The following PKN2 variants were observed in gnomAD, a reference collection of about 807,000 sequenced individuals.
The protein encoded by PKN2 is serine/threonine-protein kinase N2.
A neutral mutation model predicts 119.1 loss-of-function variants in PKN2; 38 were observed. The ratio of observed to expected loss-of-function variants is 0.32; its 90% CI spans 0.25 to 0.42. PKN2 has a LOEUF of 0.42. Ranked by LOEUF, PKN2 falls within the 10% of genes least tolerant of loss-of-function variation. The probability of loss-of-function intolerance (pLI) is 1.00; values close to 1 mark genes in which losing one functional copy is unlikely to be tolerated. For synonymous variants in PKN2, 390 were observed against 384.9 expected (o/e 1.01, Z -0.15); for missense variants, 850 against 1,165.1 (o/e 0.73, Z 3.94).
chr1:88,706,714 T>C (rs1272735434), intron 1 of PKN2, among the ~76,000 whole-genome samples: 1 of 152,190 alleles, frequency 6.6e-6, no homozygotes, highest in Non-Finnish European at 1.5e-5. Flanking sequence ...ATTTTTTGTT[T>C]CTATTGAGAC....
chr1:88,718,169 C>G (rs1017246981), intron 1 of PKN2, among the ~76,000 whole-genome samples: 1 of 152,226 alleles, frequency 6.6e-6, no homozygotes, highest in Non-Finnish European at 1.5e-5. Context: ...ATGTTGCTGC[C>G]TGATCCTTCC....
chr1:88,737,024 TC>T (rs1668374940), intron 1 of PKN2, among the ~76,000 whole-genome samples: 2 of 152,224 alleles, frequency 1.3e-5, no homozygotes, highest in Non-Finnish European at 2.9e-5. Flanking sequence ...GTGTACCTGT[TC>T]CCCTCTCATT....
intron 6 of PKN2, among the ~76,000 whole-genome samples, chr1:88,776,656 TTTG>T (rs1393333352): frequency 6.6e-6 from 1 of 151,584 alleles, no homozygotes. Context: ...AGGAGAATCG[TTTG>T]AACGCGGGAG....
At chr1:88,747,182 C>T (rs1048366318) in intron 2 of PKN2, among the ~76,000 whole-genome samples, 6 of 152,022 alleles carry the variant, frequency 3.9e-5, no homozygotes, top group African/African-American at 1.4e-4. Context: ...GGAATAAGTT[C>T]TGTTGATCTA....
intron 1 of PKN2, among the ~76,000 whole-genome samples, chr1:88,733,205 C>T (rs1379263791): frequency 6.6e-6 from 1 of 152,068 alleles, no homozygotes; most frequent in African/African-American, 2.4e-5. Context: ...GATATATATA[C>T]CCAGTAGTGG....
At chr1:88,706,934 T>C (rs1355272073) in intron 1 of PKN2, among the ~76,000 whole-genome samples, 1 of 152,136 alleles carries the variant, frequency 6.6e-6, no homozygotes, top group Admixed American at 6.5e-5. Context: ...CTCATTTTTT[T>C]CTCATCTCCA....
intron 16 of PKN2, among the ~76,000 whole-genome samples, chr1:88,814,623 A>G (rs1671912164): frequency 6.6e-6 from 1 of 152,030 alleles, no homozygotes; most frequent in Admixed American, 6.6e-5. Flanking sequence ...TACCTCATCT[A>G]CTACTCCCCA....
intron 1 of PKN2, among the ~76,000 whole-genome samples, chr1:88,688,341 TC>T (rs556056930): frequency 3.8e-3 from 576 of 152,260 alleles, no homozygotes; most frequent in Non-Finnish European, 6.2e-3. Flanking sequence ...TGCCTCGGCC[TC>T]CCAAAGTGCT....
rs1057111603 is a variant in PKN2, at chr1:88,835,200, A to G, written c.*1752A>G. On this transcript the variant is annotated 3_prime_UTR_variant, in exon 22 of 22. Coordinates refer to ENST00000370521, the MANE Select transcript of PKN2 (RefSeq NM_006256.4). ...CCAAGATCCTTTGGGAGAAAATCTT[A>G]TAGAATGGGGGAACAATATGTGGTT... 5 of 152,230 alleles carry G rather than the reference A, an allele frequency of 3.3e-5. No homozygotes were observed. The highest frequency in any genetic ancestry group is 2.1e-4 in the South Asian group (1 of 4,836). 9.4% of individuals were successfully genotyped at this position (152,230 alleles called of 1,614,324 possible). A position where few individuals can be genotyped will look rare whatever the true frequency, so the allele number is the denominator to read the frequency against.
At chr1:88,809,260 A>G (rs984628769) in intron 15 of PKN2, among the ~76,000 whole-genome samples, 2 of 152,122 alleles carry the variant, frequency 1.3e-5, no homozygotes, top group African/African-American at 4.8e-5. Flanking sequence ...ACCATATTAC[A>G]TGTTTAGAAT....
At chr1:88,820,666 A>C (rs1238305362) in intron 16 of PKN2, among the ~76,000 whole-genome samples, 1 of 152,214 alleles carries the variant, frequency 6.6e-6, no homozygotes, top group Non-Finnish European at 1.5e-5. Flanking sequence ...ATAACATTAA[A>C]GTGACAAGAA....
At chr1:88,789,860 A>G (rs890850206) in intron 8 of PKN2, among the ~76,000 whole-genome samples, 1 of 152,078 alleles carries the variant, frequency 6.6e-6, no homozygotes, top group Non-Finnish European at 1.5e-5. Context: ...TCAGTAATCT[A>G]GTGTTTATTA....
chr1:88,731,106 T>G (rs1474655681), intron 1 of PKN2, among the ~76,000 whole-genome samples: 1 of 152,280 alleles, frequency 6.6e-6, no homozygotes, highest in African/African-American at 2.4e-5. Context: ...CATTTTTATC[T>G]TTATATTTCA....
At chr1:88,817,668 C>T (rs1441491270) in intron 16 of PKN2, among the ~76,000 whole-genome samples, 1 of 150,594 alleles carries the variant, frequency 6.6e-6, no homozygotes, top group African/African-American at 2.4e-5. Context: ...GAGATCGCGC[C>T]ACAGCACTCC....
At chr1:88,779,197 GA>G (rs1194607656) in intron 6 of PKN2, among the ~76,000 whole-genome samples, 1 of 126,760 alleles carries the variant, frequency 7.9e-6, no homozygotes, top group Non-Finnish European at 1.8e-5. Flanking sequence ...GGAGTGAAGG[GA>G]GGGATGAGGC....
intron 1 of PKN2, among the ~76,000 whole-genome samples, chr1:88,729,550 C>CT (rs1668045349): frequency 6.6e-6 from 1 of 152,180 alleles, no homozygotes; most frequent in Non-Finnish European, 1.5e-5. Context: ...CATGGTTTCT[C>CT]TCGTCTTCCA....
chr1:88,712,145 A>G (rs1667261159), intron 1 of PKN2, among the ~76,000 whole-genome samples: 1 of 152,124 alleles, frequency 6.6e-6, no homozygotes, highest in African/African-American at 2.4e-5. Flanking sequence ...ACTGTTTTCC[A>G]ATATGATCTG....
At chr1:88,707,793 G>T (rs1667060911) in intron 1 of PKN2, among the ~76,000 whole-genome samples, 1 of 151,854 alleles carries the variant, frequency 6.6e-6, no homozygotes. Context: ...GAATTACCTG[G>T]TCATATTTTT....
intron 1 of PKN2, among the ~76,000 whole-genome samples, chr1:88,706,303 A>T (rs1253254722): frequency 6.6e-6 from 1 of 152,192 alleles, no homozygotes; most frequent in Non-Finnish European, 1.5e-5. Flanking sequence ...AGTATATAGA[A>T]GTACAATTGA....
Sources: allele counts gnomAD v4.1 joint callset (sites outside exome capture counted in the v4.1 genomes callset), GRCh38; gene constraint gnomAD v4.1.1; transcripts MANE v1.5; gene names NCBI Gene and HGNC (gene_info 2026-07-23, HGNC 2026-07-21).